The following MCC variants were observed in gnomAD, a reference collection of about 807,000 sequenced individuals.
MCC encodes the protein colorectal mutant cancer protein.
MCC carries 90 observed loss-of-function variants against 116.2 expected under a neutral mutation model. That is an observed-to-expected ratio of 0.77 (90% CI 0.65 to 0.92). The LOEUF is 0.92. MCC is among the 40% of genes least tolerant of loss of function. The pLI, the probability that MCC is intolerant of heterozygous loss-of-function variation, is 0.00. For missense variants in MCC, 1,516 were observed against 1,312.2 expected (o/e 1.16, Z -2.40); for synonymous variants, 578 against 510.5 (o/e 1.13, Z -1.78).
intron 4 of MCC, among the ~76,000 whole-genome samples, chr5:113,144,951 G>A (rs546072565): frequency 3.7e-4 from 57 of 152,080 alleles, no homozygotes; most frequent in Middle Eastern, 3.4e-3. Context: ...TCTAGTGGAA[G>A]CTTTCCTAAA....
rs779923385 is a variant in MCC at position 113,049,066 on chromosome 5, G to T, written c.2655+27C>A. The T allele has an allele frequency of 5.0e-6, 8 of 1,611,308 alleles. No individual in the cohort carries two copies. The Admixed American group carries it at 1.2e-4, about 24-fold the overall frequency. Reference sequence around the variant, plus strand: ...TCACTGGGCAGTCACTGAGCCTAAGGGTGTCCCCAAGCCACTCCGGCCCTA... The same window carrying T: ...TCACTGGGCAGTCACTGAGCCTAAGTGTGTCCCCAAGCCACTCCGGCCCTA... On this transcript the variant is annotated intron_variant, in intron 16 of 18. Transcript: ENST00000408903.
At chr5:113,146,432 C>T (rs1225101621) in intron 4 of MCC, among the ~76,000 whole-genome samples, 1 of 151,024 alleles carries the variant, frequency 6.6e-6, no homozygotes, top group African/African-American at 2.4e-5. Context: ...ACCTAAAAAT[C>T]TTGGCTGGTG....
intron 3 of MCC, among the ~76,000 whole-genome samples, chr5:113,331,614 GTTTGTTTTGTTTTGT>G (rs138484557): frequency 0.54 from 80,367 of 149,462 alleles, 23,487 homozygotes; most frequent in African/African-American, 0.75. Context: ...CTGCTTTTTT[GTTTGTTTTGTTTTGT>G]TTTGTTTTGT....
At chr5:113,294,809 C>G in intron 3 of MCC, 23 of 986,578 alleles carry the variant, frequency 2.3e-5, no homozygotes, top group Non-Finnish European at 2.8e-5. Context: ...GGCGAGCTCC[C>G]GAAAAAACTA....
chr5:113,376,850 T>C (rs141913563), intron 2 of MCC, among the ~76,000 whole-genome samples: 24 of 152,260 alleles, frequency 1.6e-4, no homozygotes, highest in Admixed American at 9.2e-4. Flanking sequence ...AATCCAGGCC[T>C]GGCCAATCAG....
chr5:113,062,732 G>C (rs958467159), intron 14 of MCC, among the ~76,000 whole-genome samples: 2 of 152,206 alleles, frequency 1.3e-5, no homozygotes, highest in African/African-American at 4.8e-5. Flanking sequence ...AAGTAAAGAA[G>C]AATCAAGTCC....
intron 3 of MCC, among the ~76,000 whole-genome samples, chr5:113,157,064 G>C (rs888645160): frequency 2.2e-4 from 33 of 152,250 alleles, no homozygotes; most frequent in African/African-American, 6.5e-4. Context: ...TGTGACAAAA[G>C]GCTTCACACT....
Position 113,488,235 on chromosome 5 carries a change from C to A in MCC, c.170+10G>T. On this transcript the variant is annotated intron_variant, in intron 1 of 18. Transcript: ENST00000408903. ...CGCTCCTGTCGGTTTCCTCGTACCT[C>A]CCCGCGTACCTGCTGATGTATCCGT... The A allele has an allele frequency of 6.3e-7, 1 of 1,586,264 alleles. No homozygotes were observed. Among genetic ancestry groups the A allele is most frequent in the Non-Finnish European group, 8.6e-7 (1 of 1,167,486 alleles).
intron 3 of MCC, among the ~76,000 whole-genome samples, chr5:113,316,672 A>C (rs987602681): frequency 1.3e-5 from 2 of 152,226 alleles, no homozygotes; most frequent in African/African-American, 4.8e-5. Context: ...AGGGTCTCAT[A>C]AACACAATGC....
In MCC at chr5:113,202,408, G is replaced by T. The variant is rs989467141; in HGVS notation, c.628-50986C>A. Among the ~76,000 whole-genome samples, 29 of 152,108 alleles carry T rather than the reference G, an allele frequency of 1.9e-4. 1 individual carries two copies. The highest frequency in any genetic ancestry group is 7.0e-4 in the African/African-American group (29 of 41,426). Reference sequence around the variant, plus strand: ...TCCAGGACTGATAACCTACACTGGGGTAGCTCCGACACTGGGTTTACTTTG... The same window carrying T: ...TCCAGGACTGATAACCTACACTGGGTTAGCTCCGACACTGGGTTTACTTTG... On this transcript the variant is annotated intron_variant, in intron 3 of 18. Transcript: ENST00000408903.
intron 3 of MCC, among the ~76,000 whole-genome samples, chr5:113,212,012 A>T (rs977982284): frequency 2.6e-5 from 4 of 152,204 alleles, no homozygotes; most frequent in African/African-American, 9.6e-5. Flanking sequence ...TCCCTGAGAG[A>T]ATATCTCTAA....
intron 1 of MCC, among the ~76,000 whole-genome samples, chr5:113,422,810 A>C (rs1390194918): frequency 6.6e-6 from 1 of 152,214 alleles, no homozygotes; most frequent in Non-Finnish European, 1.5e-5. Flanking sequence ...CTGGGATGAC[A>C]GAGACTTCTA....
chr5:113,340,620 C>T lies in MCC; in HGVS notation c.526G>A (p.Gly176Arg), dbSNP rs373505262. Residue 176 changes from glycine (G) to arginine (R), a missense_variant, in exon 3 of 19, where the codon GGA becomes AGA. Coordinates refer to ENST00000408903, the MANE Select transcript of MCC (RefSeq NM_001085377.2). ...SALQKLLEYG[G>R]SSLHQQAALH... is the part of the protein sequence containing the mutation. ...GCAGCCTGCTGATGCAAAGAGCTTC[C>T]GCCATACTCGAGCAGCTTCTGGAGG... The T allele has an allele frequency of 1.2e-4, 186 of 1,614,112 alleles. 2 individuals are homozygous for T. The South Asian group carries it at 1.7e-3, about 15-fold the overall frequency.
intron 4 of MCC, among the ~76,000 whole-genome samples, chr5:113,150,048 G>C (rs1196062786): frequency 1.3e-5 from 2 of 152,200 alleles, no homozygotes; most frequent in Admixed American, 6.5e-5. Flanking sequence ...GCTAGTCCCT[G>C]TGAACTTTGG....
At chr5:113,268,305 A>G (rs1169972643) in intron 3 of MCC, among the ~76,000 whole-genome samples, 2 of 152,192 alleles carry the variant, frequency 1.3e-5, no homozygotes, top group Non-Finnish European at 2.9e-5. Context: ...ACCTTTTCCC[A>G]GTTCATTCTA....
intron 3 of MCC, among the ~76,000 whole-genome samples, chr5:113,209,372 T>A (rs1474323848): frequency 6.6e-6 from 1 of 152,228 alleles, no homozygotes; most frequent in Admixed American, 6.5e-5. Flanking sequence ...TCAGTCATGC[T>A]CTGCCTAAGC....
intron 14 of MCC, among the ~76,000 whole-genome samples, chr5:113,060,873 A>G (rs1320725573): frequency 1.3e-5 from 2 of 152,226 alleles, no homozygotes; most frequent in Admixed American, 6.5e-5. Context: ...CCTGACACAC[A>G]GATGGAAAAG....
At chr5:113,261,481 TTCTG>T (rs1765217139) in intron 3 of MCC, among the ~76,000 whole-genome samples, 1 of 152,170 alleles carries the variant, frequency 6.6e-6, no homozygotes, top group Non-Finnish European at 1.5e-5. Context: ...CCTGAACTTC[TTCTG>T]TATTAGACAA....
chr5:113,079,051 C>G (rs1484331901), intron 11 of MCC, among the ~76,000 whole-genome samples: 1 of 152,186 alleles, frequency 6.6e-6, no homozygotes, highest in East Asian at 1.9e-4. Flanking sequence ...AGTGGACTCC[C>G]ATTCACAACT....
Sources: allele counts gnomAD v4.1 joint callset (sites outside exome capture counted in the v4.1 genomes callset), GRCh38; gene constraint gnomAD v4.1.1; transcripts MANE v1.5; gene names NCBI Gene and HGNC (gene_info 2026-07-23, HGNC 2026-07-21).